MUC21: variants seen among roughly 807,000 people sequenced by gnomAD.
MUC21 encodes the protein mucin 21, cell surface associated.
In MUC21, 8 loss-of-function variants were observed where a neutral mutation model predicts 9.1. That is an observed-to-expected ratio of 0.88 (90% CI 0.52 to 1.59). The LOEUF is 1.59. Among genes scored for constraint, MUC21 ranks in the 40% most tolerant of loss-of-function variants. The pLI is 0.00. For missense variants in MUC21, 478 were observed against 694.2 expected (o/e 0.69, Z 3.50); for synonymous variants, 189 against 275.2 (o/e 0.69, Z 3.10).
rs1762476776 is a variant in MUC21 at position 30,988,274 on chromosome 6, C to G, written c.*80C>G. On this transcript the variant is annotated 3_prime_UTR_variant, in exon 3 of 3. Transcript: ENST00000376296. ...AAGACCTGGTTTCCTTTCATTCATC[C>G]CAGGAGACCCCTCCCAGCTTTGTTT... The G allele has an allele frequency of 1.5e-6, 2 of 1,304,838 alleles. No homozygotes were observed. Among genetic ancestry groups the G allele is most frequent in the African/African-American group, 1.5e-5 (1 of 67,002 alleles). 80.8% of individuals were successfully genotyped at this position (1,304,838 alleles called of 1,614,324 possible). A position where few individuals can be genotyped will look rare whatever the true frequency, so the allele number is the denominator to read the frequency against.
chr6:30,986,875 T>G lies in MUC21; in HGVS notation c.700T>G (p.Ser234Ala). ...CACCAACTCTGAGTCCAGCACGACC[T>G]CCAGTGGGGCCAGCACAGCCACCAA... is the stretch of plus-strand genomic sequence containing the variant. ...TATNSESSTT[S>A]SGASTATNSE... The change falls in exon 2 of 3, where the codon TCC (serine) becomes GCC (alanine). Residue 234 changes from serine to alanine, a missense_variant. Coordinates refer to ENST00000376296, the MANE Select transcript of MUC21 (RefSeq NM_001010909.5). 1 of 1,590,776 alleles carries G rather than the reference T, an allele frequency of 6.3e-7. No homozygotes were observed. The highest frequency in any genetic ancestry group is 8.6e-7 in the Non-Finnish European group (1 of 1,168,356).
Position 30,987,049 on chromosome 6 carries a change from A to G in MUC21, c.874A>G (p.Thr292Ala). 6.2e-7 allele frequency: 1 copy of G among 1,605,692 alleles called. No individual in the cohort carries two copies. The highest frequency in any genetic ancestry group is 8.5e-7 in the Non-Finnish European group (1 of 1,174,974). Residue 292 changes from threonine (T) to alanine (A), a missense_variant, in exon 2 of 3, where the codon ACA (threonine) becomes GCA (alanine). By Grantham distance (58) the Thr-to-Ala change is moderately conservative. This residue lies in a region of MUC21 where 155 missense variants were observed against 235.2 expected (regional missense o/e 0.66). Transcript: ENST00000376296. Reference protein sequence around the residue: ...ISTVTNSESSTPSSGANTATN... With the variant: ...ISTVTNSESSAPSSGANTATN... ...CACAGTCACCAATTCTGAGTCCAGCACACCCTCCAGTGGGGCCAACACAGC... is the reference window on the plus strand; with the variant it reads ...CACAGTCACCAATTCTGAGTCCAGCGCACCCTCCAGTGGGGCCAACACAGC...
At chr6:30,987,854 GA>G in intron 2 of MUC21, 145 bp from the exon 3 acceptor site, 1 of 1,195,318 alleles carries the variant, frequency 8.4e-7, no homozygotes, top group Non-Finnish European at 1.2e-6. Context: ...TGACCTGCGG[GA>G]AAAGGGGGCC....
chr6:30,987,908 T>C, intron 2 of MUC21, 92 bp from the exon 3 acceptor site: 2 of 1,029,254 alleles, frequency 1.9e-6, no homozygotes, highest in African/African-American at 1.6e-5. Context: ...AAGAGTGTGG[T>C]TGGAAGTGGG....
intron 1 of MUC21, 40 bp from the exon 2 acceptor site, chr6:30,986,197 A>G: frequency 1.3e-6 from 2 of 1,542,804 alleles, no homozygotes; most frequent in Non-Finnish European, 1.8e-6. Context: ...CAGAAAGTAT[A>G]TACACACAAT....
chr6:30,984,224 T>C, intron 1 of MUC21: 1 of 515,754 alleles, frequency 1.9e-6, no homozygotes, highest in Non-Finnish European at 3.4e-6. Context: ...TCACATTGCC[T>C]ACATTTGAAT....
At position 30,989,696 on chromosome 6, in the gene MUC21, T is replaced by A. The variant is rs1023506817; in HGVS notation, c.*1502T>A. On this transcript the variant is annotated 3_prime_UTR_variant, in exon 3 of 3. Transcript: ENST00000376296. ...AACAATGCCTGTAGCGTAATTAACC[T>A]CTCACAAAGATGCTTATCTAACCTC... 1 of 152,260 alleles carries A rather than the reference T, an allele frequency of 6.6e-6. No individual in the cohort carries two copies. Among genetic ancestry groups the A allele is most frequent in the Admixed American group, 6.5e-5 (1 of 15,272 alleles). The allele number at this position is 152,260 out of a possible 1,614,324, so 9.4% of individuals were successfully genotyped here.
chr6:30,987,633 C>G lies in MUC21; in HGVS notation c.1458C>G (p.Val486=). 6.2e-7 allele frequency: 1 copy of G among 1,614,232 alleles called. No homozygotes were observed. Among genetic ancestry groups the G allele is most frequent in the Admixed American group, 1.7e-5 (1 of 60,032 alleles). ...GGGAAATCTTCCTCATCACCCTGGTCTCGGTTGTGGCGGCCGTGGGGCTCT... is the reference window on the plus strand; with the variant it reads ...GGGAAATCTTCCTCATCACCCTGGTGTCGGTTGTGGCGGCCGTGGGGCTCT... ...VPWEIFLITL[V]SVVAAVGLFA... The change falls in exon 2 of 3, where the codon GTC becomes GTG. Residue 486 remains valine (V), a synonymous_variant. Transcript: ENST00000376296.
intron 1 of MUC21, among the ~76,000 whole-genome samples, chr6:30,985,008 A>ATAAAATAAAATAAAATAAAG (rs1762190612): frequency 6.6e-6 from 1 of 150,448 alleles, no homozygotes; most frequent in Admixed American, 6.6e-5. Flanking sequence ...ATAAAATAAA[A>ATAAAATAAAATAAAATAAAG]TAAAATAAAA....
intron 1 of MUC21, among the ~76,000 whole-genome samples, chr6:30,985,968 T>A (rs1762227391): frequency 6.6e-6 from 1 of 152,144 alleles, no homozygotes; most frequent in Non-Finnish European, 1.5e-5. Flanking sequence ...TTTCTCCATG[T>A]TGGTCAGGCT....
Position 30,988,983 on chromosome 6 carries a change from C to G in MUC21, c.*789C>G, listed in dbSNP as rs1473080456. The G allele has an allele frequency of 6.6e-6, 1 of 152,166 alleles. No homozygotes were observed. The highest frequency in any genetic ancestry group is 2.4e-5 in the African/African-American group (1 of 41,410). 9.4% of individuals were successfully genotyped at this position (152,166 alleles called of 1,614,324 possible). A position where few individuals can be genotyped will look rare whatever the true frequency, so the allele number is the denominator to read the frequency against. On this transcript the variant is annotated 3_prime_UTR_variant, in exon 3 of 3. Transcript: ENST00000376296. ...CTTCCAAGAGGCTCTTGCAAAGACC[C>G]GAGATTCTCATAAATCCCCGCCCAG...
rs747244865 is a variant in MUC21 at position 30,987,612 on chromosome 6, A to C, written c.1437A>C (p.Glu479Asp). The change falls in exon 2 of 3, where the codon GAA (glutamate) becomes GAC (aspartate). Residue 479 changes from glutamate (E) to aspartate (D), a missense_variant. Glu to Asp is a conservative substitution (Grantham distance 45). Coordinates refer to ENST00000376296, the MANE Select transcript of MUC21 (RefSeq NM_001010909.5). ...AKPGGSLVPW[E>D]IFLITLVSVV... ...CTGGTGGGTCCCTGGTGCCGTGGGAAATCTTCCTCATCACCCTGGTCTCGG... is the reference window on the plus strand; with the variant it reads ...CTGGTGGGTCCCTGGTGCCGTGGGACATCTTCCTCATCACCCTGGTCTCGG... 2 of 1,614,060 alleles carry C rather than the reference A, an allele frequency of 1.2e-6. No individual in the cohort carries two copies. Among genetic ancestry groups the C allele is most frequent in the East Asian group, 4.5e-5 (2 of 44,878 alleles).
In MUC21 at chr6:30,983,996, G is replaced by A. The variant is rs1185271143; in HGVS notation, c.38G>A (p.Gly13Asp). 2 of 779,768 alleles carry A rather than the reference G, an allele frequency of 2.6e-6. No homozygotes were observed. The highest frequency in any genetic ancestry group is 1.7e-5 in the African/African-American group (1 of 59,218). 48.3% of individuals were successfully genotyped at this position (779,768 alleles called of 1,614,324 possible). The change falls in exon 1 of 3, where the codon GGT becomes GAT. Residue 13 changes from glycine (G) to aspartate (D), a missense_variant. By Grantham distance (94) the Gly-to-Asp change is moderately conservative (BLOSUM62 -1). Transcript: ENST00000376296. ...MQKGNVLLMF[G>D]LLLHLEAATN... ...AAAGGAAATGTTCTCCTTATGTTTG[G>A]TCTACTATTGCATTTAGAAGCTGGT...
chr6:30,985,179 T>C (rs1265218219), intron 1 of MUC21, among the ~76,000 whole-genome samples: 1 of 152,116 alleles, frequency 6.6e-6, no homozygotes, highest in Non-Finnish European at 1.5e-5. Flanking sequence ...GACATAACCT[T>C]AACTCCAGCC....
At position 30,983,850 on chromosome 6, in the gene MUC21, A is replaced by C; in HGVS notation, c.-109A>C. On this transcript the variant is annotated 5_prime_UTR_variant, in exon 1 of 3. Transcript: ENST00000376296. Reference sequence around the variant, plus strand: ...CACGCTCCTGGAAGCACCAGCCTTTATCTCTTCACCTTCAAGTCCCCTTTC... The same window carrying C: ...CACGCTCCTGGAAGCACCAGCCTTTCTCTCTTCACCTTCAAGTCCCCTTTC... 1 of 670,776 alleles carries C rather than the reference A, an allele frequency of 1.5e-6. No individual in the cohort carries two copies. The allele number at this position is 670,776 out of a possible 1,614,324, so 41.6% of individuals were successfully genotyped here.
intron 1 of MUC21, among the ~76,000 whole-genome samples, chr6:30,984,835 C>T (rs564318380): frequency 2.1e-5 from 3 of 145,462 alleles, no homozygotes; most frequent in South Asian, 2.2e-4. Context: ...ATTAGCCTGG[C>T]GGGGTGGCTT....
At position 30,984,061 on chromosome 6, in the gene MUC21, G is replaced by C. The variant is rs769889154; in HGVS notation, c.61+42G>C. ...AAAATCGGGTGGTCTGAGAACCTTT[G>C]AGGAGTTGGGAGAGAAATGTGACCA... On this transcript the variant is annotated intron_variant, in intron 1 of 2. Coordinates refer to ENST00000376296, the MANE Select transcript of MUC21 (RefSeq NM_001010909.5). 5.1e-6 allele frequency: 4 copies of C among 777,592 alleles called. No individual in the cohort carries two copies. The African/African-American group carries it at 6.8e-5, about 13-fold the overall frequency. The allele number at this position is 777,592 out of a possible 1,614,324, so 48.2% of individuals were successfully genotyped here.
intron 1 of MUC21, 107 bp from the exon 2 acceptor site, chr6:30,986,130 A>G: frequency 1.0e-6 from 1 of 956,484 alleles, no homozygotes; most frequent in Non-Finnish European, 1.6e-6. Context: ...CATCTATGTT[A>G]TAGCACCATA....
intron 1 of MUC21, 54 bp downstream of exon 1, chr6:30,984,073 G>C: frequency 1.3e-6 from 1 of 775,874 alleles, no homozygotes; most frequent in South Asian, 1.4e-5. Context: ...GGAGTTGGGA[G>C]AGAAATGTGA....
Sources: allele counts gnomAD v4.1 joint callset (sites outside exome capture counted in the v4.1 genomes callset), GRCh38; gene constraint gnomAD v4.1.1; regional missense constraint gnomAD v4.1.1; transcripts MANE v1.5; gene names NCBI Gene and HGNC (gene_info 2026-07-23, HGNC 2026-07-21).